AEBP2: variants seen among roughly 807,000 people sequenced by gnomAD.
AEBP2 encodes AE binding protein 2.
AEBP2 carries 10 observed loss-of-function variants against 50.8 expected under a neutral mutation model. The ratio of observed to expected loss-of-function variants is 0.20; its 90% CI spans 0.12 to 0.33. The LOEUF (loss-of-function observed/expected upper bound fraction) is 0.33, where lower values mean the gene tolerates loss of function less well. Ranked by LOEUF, AEBP2 falls within the 10% of genes least tolerant of loss-of-function variation. The probability of loss-of-function intolerance (pLI) is 1.00; values close to 1 mark genes in which losing one functional copy is unlikely to be tolerated. For missense variants in AEBP2, 570 were observed against 688.0 expected (o/e 0.83, Z 1.92); for synonymous variants, 296 against 261.3 (o/e 1.13, Z -1.28).
chr12:19,446,763 CA>C lies in AEBP2; in HGVS notation c.671+6399del, dbSNP rs775157848. On this transcript the variant is annotated intron_variant, in intron 1 of 7. Coordinates refer to ENST00000266508, the MANE Select transcript of AEBP2 (RefSeq NM_153207.5). Reference sequence around the variant, plus strand: ...AAAAAAAAAAAAAAGATCTCATCTACAAAAAATGAAAAAATTAGCCAGATGT... The same window carrying C: ...AAAAAAAAAAAAAAGATCTCATCTACAAAAATGAAAAAATTAGCCAGATGT... Among the ~76,000 whole-genome samples the C allele has an allele frequency of 3.5e-5, 5 of 142,430 alleles. No homozygotes were observed. The East Asian group carries it at 8.4e-4, about 24-fold the overall frequency. The allele number at this position is 142,430 out of a possible 152,430, so 93.4% of individuals were successfully genotyped here.
chr12:19,495,591 G>A (rs895690533), intron 4 of AEBP2, among the ~76,000 whole-genome samples: 1 of 149,258 alleles, frequency 6.7e-6, no homozygotes, highest in Non-Finnish European at 1.5e-5. Flanking sequence ...GCCCAGGCTG[G>A]AGTGCAGTAG....
intron 3 of AEBP2, among the ~76,000 whole-genome samples, chr12:19,484,931 T>G (rs1948785635): frequency 6.6e-6 from 1 of 152,202 alleles, no homozygotes; most frequent in Non-Finnish European, 1.5e-5. Flanking sequence ...GGCCGTGACA[T>G]TTGCTGGAAA....
intron 1 of AEBP2, among the ~76,000 whole-genome samples, chr12:19,453,284 C>G (rs1418222052): frequency 6.6e-6 from 1 of 150,596 alleles, no homozygotes; most frequent in Non-Finnish European, 1.5e-5. Flanking sequence ...AACGTACTTT[C>G]TTAAAAGTTT....
chr12:19,441,685 T>G (rs567284512), intron 1 of AEBP2, among the ~76,000 whole-genome samples: 2 of 152,310 alleles, frequency 1.3e-5, no homozygotes, highest in Non-Finnish European at 2.9e-5. Context: ...TCGGGTAAAG[T>G]AGACTGTATA....
intron 7 of AEBP2, among the ~76,000 whole-genome samples, chr12:19,515,297 G>A (rs1475866385): frequency 1.3e-5 from 2 of 152,168 alleles, no homozygotes; most frequent in East Asian, 3.9e-4. Context: ...ATGAAGGTAT[G>A]TGGGGGAAGG....
intron 1 of AEBP2, among the ~76,000 whole-genome samples, chr12:19,414,302 C>T (rs148302349): frequency 0.025 from 3,868 of 152,168 alleles, 52 homozygotes; most frequent in East Asian, 0.045. Context: ...CTCATTTTAC[C>T]CAGCTCCTAT....
chr12:19,470,811 G>C (rs867483593), intron 2 of AEBP2, among the ~76,000 whole-genome samples: 10 of 152,290 alleles, frequency 6.6e-5, no homozygotes, highest in African/African-American at 1.9e-4. Flanking sequence ...TTATCTTTAA[G>C]AGTATTTCAG....
intron 1 of AEBP2, chr12:19,440,577 C>A (rs978598310): frequency 6.9e-7 from 1 of 1,442,286 alleles, no homozygotes; most frequent in African/African-American, 1.4e-5. Flanking sequence ...AACCGTTCCC[C>A]CCCAACTCTC....
upstream of AEBP2, among the ~76,000 whole-genome samples, chr12:19,439,408 C>A (rs557142376): frequency 0.014 from 401 of 29,596 alleles, 1 homozygote; most frequent in African/African-American, 0.039. Flanking sequence ...CACTGGGCAG[C>A]GGGGCGGGCG....
At chr12:19,485,912 A>T (rs1366632591) in intron 3 of AEBP2, among the ~76,000 whole-genome samples, 1 of 146,356 alleles carries the variant, frequency 6.8e-6, no homozygotes, top group Admixed American at 6.8e-5. Context: ...CTATAGAGAG[A>T]GGAAGTGATA....
intron 1 of AEBP2, among the ~76,000 whole-genome samples, chr12:19,422,698 A>G (rs2095746430): frequency 6.6e-6 from 1 of 151,888 alleles, no homozygotes; most frequent in Middle Eastern, 3.4e-3. Context: ...GGTGAAATGT[A>G]TGGTGTTCCA....
At chr12:19,507,817 A>G (rs1949173243) in intron 5 of AEBP2, among the ~76,000 whole-genome samples, 1 of 152,214 alleles carries the variant, frequency 6.6e-6, no homozygotes, top group Non-Finnish European at 1.5e-5. Context: ...TACATGTTAA[A>G]CAGAATCAAT....
chr12:19,503,361 G>A (rs1381884130), intron 5 of AEBP2, among the ~76,000 whole-genome samples: 1 of 151,930 alleles, frequency 6.6e-6, no homozygotes. Context: ...GTGTGTGTGT[G>A]TTATGGTGAA....
chr12:19,427,786 T>TATA (rs2153364952), intron 1 of AEBP2, among the ~76,000 whole-genome samples: 1 of 152,060 alleles, frequency 6.6e-6, no homozygotes, highest in South Asian at 2.1e-4. Context: ...CAGAGATGAG[T>TATA]TTATAGATAG....
At chr12:19,483,190 C>G (rs1948755417) in intron 3 of AEBP2, among the ~76,000 whole-genome samples, 1 of 152,116 alleles carries the variant, frequency 6.6e-6, no homozygotes, top group African/African-American at 2.4e-5. Flanking sequence ...CTGCTAGTAC[C>G]CTTGTGAGAT....
At chr12:19,432,303 A>G (rs1363785788) in intron 1 of AEBP2, among the ~76,000 whole-genome samples, 2 of 152,184 alleles carry the variant, frequency 1.3e-5, no homozygotes, top group Non-Finnish European at 2.9e-5. Context: ...ACTAAAAACC[A>G]TATGATATTG....
intron 3 of AEBP2, among the ~76,000 whole-genome samples, chr12:19,475,477 T>C (rs1436453599): frequency 1.3e-5 from 2 of 152,120 alleles, no homozygotes; most frequent in South Asian, 2.1e-4. Context: ...TATATATATA[T>C]ACTGCATTTT....
chr12:19,512,669 C>G (rs1483791271), intron 6 of AEBP2, among the ~76,000 whole-genome samples: 1 of 147,184 alleles, frequency 6.8e-6, no homozygotes, highest in African/African-American at 2.5e-5. Context: ...AGCCCCCCCT[C>G]TTTTTTTTTT....
At chr12:19,440,830 C>T (rs952915425) in intron 1 of AEBP2, 5 of 1,413,360 alleles carry the variant, frequency 3.5e-6, no homozygotes, top group Admixed American at 2.0e-5. Flanking sequence ...ACTTCCTTGT[C>T]CATGGGAGAG....
Sources: gnomAD v4.1 joint callset for allele counts (sites outside exome capture counted in the v4.1 genomes callset) on GRCh38, gnomAD v4.1.1 for gene constraint, MANE v1.5 for transcripts, NCBI Gene and HGNC (gene_info 2026-07-23, HGNC 2026-07-21) for gene names.